CAND1: variants seen among roughly 807,000 people sequenced by gnomAD.
CAND1 encodes cullin-associated NEDD8-dissociated protein 1.
A neutral mutation model predicts 108.5 loss-of-function variants in CAND1; 7 were observed. The ratio of observed to expected loss-of-function variants is 0.06; its 90% CI spans 0.04 to 0.12. CAND1 has a LOEUF of 0.12. CAND1 is among the 10% of genes least tolerant of loss of function. The pLI is 1.00. For synonymous variants in CAND1, 534 were observed against 512.0 expected, an observed-to-expected ratio of 1.04 and a Z score of -0.58; for missense variants, 941 against 1,448.7, an observed-to-expected ratio of 0.65 and a Z score of 5.69.
At chr12:67,269,892 C>T (rs2044501279) in intron 1 of CAND1, 107 bp downstream of exon 1, 2 of 923,180 alleles carry the variant, frequency 2.2e-6, no homozygotes, top group African/African-American at 1.7e-5. Flanking sequence ...GGTAGCTTCT[C>T]TGCCCCGAAG....
At chr12:67,277,445 G>T (rs1425529388) in intron 1 of CAND1, among the ~76,000 whole-genome samples, 1 of 151,916 alleles carries the variant, frequency 6.6e-6, no homozygotes, top group African/African-American at 2.4e-5. Context: ...TTTTTCAGAA[G>T]GCACATTATA....
At chr12:67,311,609 C>A (rs912947564) in intron 13 of CAND1, 84 bp from the exon 14 acceptor site, 1 of 579,866 alleles carries the variant, frequency 1.7e-6, no homozygotes, top group African/African-American at 6.5e-5. Context: ...TAGTTATTTT[C>A]CTTTAAAGGA....
Position 67,269,520 on chromosome 12 carries a change from C to G in CAND1, c.-198C>G, listed in dbSNP as rs999817135. On this transcript the variant is annotated 5_prime_UTR_variant, in exon 1 of 15. Transcript: ENST00000545606. ...GCTGGCTCTGTAGCCTCGGCTTACC[C>G]CGGGACAGGCCCACGCCTCGCCAGG... is the stretch of plus-strand genomic sequence containing the variant. 1.1e-4 allele frequency: 59 copies of G among 557,284 alleles called. No individual in the cohort carries two copies. The highest frequency in any genetic ancestry group is 1.7e-4 in the Non-Finnish European group (56 of 321,498). 34.5% of individuals were successfully genotyped at this position (557,284 alleles called of 1,614,324 possible). A position where few individuals can be genotyped will look rare whatever the true frequency, so the allele number is the denominator to read the frequency against.
intron 1 of CAND1, among the ~76,000 whole-genome samples, chr12:67,276,927 A>G (rs79509078): frequency 0.012 from 1,892 of 152,348 alleles, 33 homozygotes; most frequent in African/African-American, 0.043. Context: ...TGTTAAGATC[A>G]GAGGAATATC....
Position 67,304,754 on chromosome 12 carries a change from A to G in CAND1, c.1435+8A>G. On this transcript the variant is annotated splice_region_variant and intron_variant, in intron 9 of 14. Transcript: ENST00000545606. Reference sequence around the variant, plus strand: ...TTCCTGTACTTGTACCAGGTATGAAAGAAACATAAATCTCTTTTGGGACTT... The same window carrying G: ...TTCCTGTACTTGTACCAGGTATGAAGGAAACATAAATCTCTTTTGGGACTT... 1 of 1,611,716 alleles carries G rather than the reference A, an allele frequency of 6.2e-7. No homozygotes were observed. The highest frequency in any genetic ancestry group is 1.1e-5 in the South Asian group (1 of 90,654).
In CAND1 at chr12:67,317,460, T is replaced by C. The variant is rs563911760; in HGVS notation, c.*4630T>C. 118 of 150,970 alleles carry C rather than the reference T, an allele frequency of 7.8e-4. No individual in the cohort carries two copies. The highest frequency in any genetic ancestry group is 2.7e-3 in the African/African-American group (110 of 40,806). The allele number at this position is 150,970 out of a possible 1,614,324, so 9.4% of individuals were successfully genotyped here. A position where few individuals can be genotyped will look rare whatever the true frequency, so the allele number is the denominator to read the frequency against. On this transcript the variant is annotated 3_prime_UTR_variant, in exon 15 of 15. Transcript: ENST00000545606. ...ATGTTGTTGATTTCTTTTTTCTTTT[T>C]TTTTCTTTCTTAATTTTTTTTTTTT...
Position 67,319,101 on chromosome 12 carries a change from A to G in CAND1, c.*6271A>G, listed in dbSNP as rs1288752447. On this transcript the variant is annotated 3_prime_UTR_variant, in exon 15 of 15. Coordinates refer to ENST00000545606, the MANE Select transcript of CAND1 (RefSeq NM_018448.5). ...GCTGTTCCCCAAGGCCACACCTTGG[A>G]AACCACCACATTAAAATACCCAGAA... 6.6e-6 allele frequency: 1 copy of G among 152,198 alleles called. No individual in the cohort carries two copies. The highest frequency in any genetic ancestry group is 6.5e-5 in the Admixed American group (1 of 15,268). 9.4% of individuals were successfully genotyped at this position (152,198 alleles called of 1,614,324 possible). A position where few individuals can be genotyped will look rare whatever the true frequency, so the allele number is the denominator to read the frequency against.
chr12:67,282,901 A>T (rs1014835947), intron 2 of CAND1, among the ~76,000 whole-genome samples: 3 of 152,136 alleles, frequency 2.0e-5, no homozygotes, highest in Non-Finnish European at 4.4e-5. Flanking sequence ...GCTATGCATG[A>T]TGTTGGCAGT....
rs1143955 is a variant in CAND1 at position 67,300,252 on chromosome 12, G to C, written c.1000+1157G>C. On this transcript the variant is annotated intron_variant, in intron 7 of 14. Transcript: ENST00000545606. ...TTCTTCACCCTGACCACTGTACTTA[G>C]AGTATCCCAAGGCTCAGTCCTTGAA... 7.1e-3 allele frequency among the ~76,000 whole-genome samples: 1,022 copies of C among 144,426 alleles called. 7 individuals are homozygous for C. Among genetic ancestry groups the C allele is most frequent in the African/African-American group, 0.026 (973 of 38,082 alleles). The allele number at this position is 144,426 out of a possible 152,430, so 94.7% of individuals were successfully genotyped here.
In CAND1 at chr12:67,269,687, A is replaced by G; in HGVS notation, c.-31A>G. 2 of 1,584,370 alleles carry G rather than the reference A, an allele frequency of 1.3e-6. No individual in the cohort carries two copies. Among genetic ancestry groups the G allele is most frequent in the Non-Finnish European group, 1.7e-6 (2 of 1,165,654 alleles). ...AGCGGCAGCGGGCAGCAGCTCCAGC[A>G]GCGCCAGCAGGCGGGATCGAGGCCG... On this transcript the variant is annotated 5_prime_UTR_variant, in exon 1 of 15. Transcript: ENST00000545606.
intron 8 of CAND1, among the ~76,000 whole-genome samples, chr12:67,303,008 C>G (rs2044841152): frequency 6.6e-6 from 1 of 152,160 alleles, no homozygotes; most frequent in Non-Finnish European, 1.5e-5. Context: ...TAAGAACGTA[C>G]TTAGAAATAT....
intron 2 of CAND1, among the ~76,000 whole-genome samples, chr12:67,283,921 T>C (rs1434514448): frequency 6.6e-6 from 1 of 152,042 alleles, no homozygotes; most frequent in Non-Finnish European, 1.5e-5. Flanking sequence ...ATAAAGGAAT[T>C]AGGATATAAA....
chr12:67,294,637 T>G (rs935623052), intron 3 of CAND1, among the ~76,000 whole-genome samples: 1 of 152,234 alleles, frequency 6.6e-6, no homozygotes, highest in Non-Finnish European at 1.5e-5. Context: ...TTATCTATAA[T>G]ATCTACTATT....
At chr12:67,277,344 AGT>A (rs932670163) in intron 1 of CAND1, among the ~76,000 whole-genome samples, 5 of 152,266 alleles carry the variant, frequency 3.3e-5, no homozygotes, top group Non-Finnish European at 5.9e-5. Flanking sequence ...TCGTTTTATG[AGT>A]GTTTCTTTTA....
Position 67,306,239 on chromosome 12 carries a change from A to G in CAND1, c.2571A>G (p.Leu857=), listed in dbSNP as rs2044883632. 4 of 1,614,154 alleles carry G rather than the reference A, an allele frequency of 2.5e-6. No individual in the cohort carries two copies. In the East Asian group the frequency reaches 8.9e-5, roughly 36 times the overall value. The change falls in exon 10 of 15, where the codon CTA becomes CTG. Residue 857 remains leucine (L), a synonymous_variant. Coordinates refer to ENST00000545606, the MANE Select transcript of CAND1 (RefSeq NM_018448.5). ...HHIDLSGQLE[L]KSVILEAFSS... ...TTGACTTAAGTGGACAGTTGGAACTAAAATCTGTAATACTAGAAGCTTTCT... is the reference window on the plus strand; with the variant it reads ...TTGACTTAAGTGGACAGTTGGAACTGAAATCTGTAATACTAGAAGCTTTCT...
At chr12:67,275,189 A>C (rs1055193079) in intron 1 of CAND1, among the ~76,000 whole-genome samples, 5 of 152,114 alleles carry the variant, frequency 3.3e-5, no homozygotes, top group Admixed American at 6.5e-5. Context: ...CTGGGAAGAA[A>C]GATTAGTAAA....
At chr12:67,298,242 A>T (rs1388457057) in intron 6 of CAND1, among the ~76,000 whole-genome samples, 1 of 152,174 alleles carries the variant, frequency 6.6e-6, no homozygotes, top group Non-Finnish European at 1.5e-5. Context: ...TAGGTCAGTG[A>T]TTCTCAATTT....
chr12:67,277,584 A>G (rs983898596), intron 1 of CAND1, among the ~76,000 whole-genome samples: 1 of 152,174 alleles, frequency 6.6e-6, no homozygotes, highest in Non-Finnish European at 1.5e-5. Context: ...CAAGAAGAAG[A>G]TGCTTGTTTA....
At chr12:67,275,740 A>G (rs902037777) in intron 1 of CAND1, among the ~76,000 whole-genome samples, 1 of 152,124 alleles carries the variant, frequency 6.6e-6, no homozygotes, top group Non-Finnish European at 1.5e-5. Flanking sequence ...AGTTATTGTG[A>G]GTGCAAGGTA....
Sources: gnomAD v4.1 joint callset for allele counts (sites outside exome capture counted in the v4.1 genomes callset) on GRCh38, gnomAD v4.1.1 for gene constraint, MANE v1.5 for transcripts, NCBI Gene and HGNC (gene_info 2026-07-23, HGNC 2026-07-21) for gene names.